The following SH3PXD2A variants were observed in gnomAD, a reference collection of about 807,000 sequenced individuals.
SH3PXD2A encodes the protein SH3 and PX domains 2A.
A neutral mutation model predicts 115.2 loss-of-function variants in SH3PXD2A; 32 were observed. The ratio of observed to expected loss-of-function variants is 0.28; its 90% CI spans 0.21 to 0.37. SH3PXD2A has a LOEUF of 0.37. Among genes scored for constraint, SH3PXD2A ranks in the 10% least tolerant of loss-of-function variants. The pLI, the probability that SH3PXD2A is intolerant of heterozygous loss-of-function variation, is 1.00. For synonymous variants in SH3PXD2A, 610 were observed against 629.1 expected, an observed-to-expected ratio of 0.97 and a Z score of 0.45; for missense variants, 1,328 against 1,498.7, an observed-to-expected ratio of 0.89 and a Z score of 1.88.
At chr10:103,655,873 C>T (rs74154580) in intron 8 of SH3PXD2A, among the ~76,000 whole-genome samples, 2,903 of 151,204 alleles carry the variant, frequency 0.019, 45 homozygotes, top group African/African-American at 0.046. Context: ...AGACTCTAAG[C>T]TCCATAAAGG....
At position 103,602,521 on chromosome 10, in the gene SH3PXD2A, G is replaced by C. The variant is rs1342229195; in HGVS notation, c.2697C>G (p.Asn899Lys). ...CTTTGCCAGAGGGGTCAGGTTGCTC[G>C]TTCTCATCCAGCACCAAATAGTGGG... ...APSHYLVLDE[N>K]EQPDPSGKEL... The change falls in exon 15 of 15, where the codon AAC becomes AAG. Residue 899 changes from asparagine (N) to lysine (K), a missense_variant. Around this residue, in one of 5 missense-constraint regions of SH3PXD2A, gnomAD observed 574 missense variants for 565.7 expected, o/e 1.01. Coordinates refer to ENST00000369774, the MANE Select transcript of SH3PXD2A (RefSeq NM_001394015.1). 6.2e-7 allele frequency: 1 copy of C among 1,614,102 alleles called. No individual in the cohort carries two copies. Among genetic ancestry groups the C allele is most frequent in the Admixed American group, 1.7e-5 (1 of 60,026 alleles).
intron 2 of SH3PXD2A, among the ~76,000 whole-genome samples, chr10:103,775,666 G>A (rs1333952717): frequency 6.6e-6 from 1 of 152,212 alleles, no homozygotes. Context: ...CCGTATGTCA[G>A]AGAAAGTGCT....
chr10:103,787,228 G>C (rs573134652), intron 2 of SH3PXD2A, among the ~76,000 whole-genome samples: 1 of 152,250 alleles, frequency 6.6e-6, no homozygotes, highest in South Asian at 2.1e-4. Flanking sequence ...ACCCATCCAG[G>C]GCACAGGCCC....
Position 103,661,038 on chromosome 10 carries a change from C to G in SH3PXD2A, c.549G>C (p.Ser183=). Residue 183 remains serine, a synonymous_variant, in exon 8 of 15, where the codon TCG becomes TCC. Transcript: ENST00000369774. The part of the protein sequence containing the change: ...VVSNYKKQEN[S]ELSLQAGEVV... ...CCTCCCCGGCCTGGAGGCTCAGCTCCGAGTTCTCCTGCTTCTTATAGTTGG... is the reference window on the plus strand; with the variant it reads ...CCTCCCCGGCCTGGAGGCTCAGCTCGGAGTTCTCCTGCTTCTTATAGTTGG... 6.2e-7 allele frequency: 1 copy of G among 1,614,168 alleles called. No homozygotes were observed. The highest frequency in any genetic ancestry group is 8.5e-7 in the Non-Finnish European group (1 of 1,180,018).
chr10:103,626,826 G>C (rs993057421), intron 9 of SH3PXD2A, among the ~76,000 whole-genome samples: 4 of 152,038 alleles, frequency 2.6e-5, no homozygotes, highest in African/African-American at 9.7e-5. Context: ...CAAACCTCAT[G>C]AAGCCAAAGC....
chr10:103,771,580 TA>T (rs1261468246), intron 2 of SH3PXD2A, among the ~76,000 whole-genome samples: 1 of 151,588 alleles, frequency 6.6e-6, no homozygotes, highest in Non-Finnish European at 1.5e-5. Flanking sequence ...CCATCTCTAC[TA>T]AAAAAAAGTA....
intron 10 of SH3PXD2A, among the ~76,000 whole-genome samples, chr10:103,621,433 G>A (rs994634454): frequency 1.3e-5 from 2 of 152,192 alleles, no homozygotes; most frequent in Non-Finnish European, 2.9e-5. Flanking sequence ...TGTGCCTGAT[G>A]CTGAGCCAGC....
chr10:103,814,120 T>C (rs2039299875), intron 1 of SH3PXD2A, among the ~76,000 whole-genome samples: 1 of 152,210 alleles, frequency 6.6e-6, no homozygotes, highest in Non-Finnish European at 1.5e-5. Context: ...AGGGAGTTTG[T>C]ACTGGGTGCT....
intron 2 of SH3PXD2A, among the ~76,000 whole-genome samples, chr10:103,780,874 A>T (rs1589452023): frequency 6.6e-6 from 1 of 152,098 alleles, no homozygotes; most frequent in Non-Finnish European, 1.5e-5. Context: ...TCGGCTTCAC[A>T]CCCTTTGTTG....
intron 6 of SH3PXD2A, among the ~76,000 whole-genome samples, chr10:103,682,706 G>A (rs1011316605): frequency 6.6e-6 from 1 of 151,548 alleles, no homozygotes; most frequent in African/African-American, 2.4e-5. Flanking sequence ...GCAGTGAGCC[G>A]AGATCGTGCC....
At position 103,784,590 on chromosome 10, in the gene SH3PXD2A, A is replaced by C. The variant is rs935543511; in HGVS notation, c.153+16692T>G. ...AGGATTGAAAACATTCCTAATTACA[A>C]ATAAACACTGGAGAGAAGCTGCAGC... is the stretch of plus-strand genomic sequence containing the variant. On this transcript the variant is annotated intron_variant, in intron 2 of 14. Coordinates refer to ENST00000369774, the MANE Select transcript of SH3PXD2A (RefSeq NM_001394015.1). The surrounding 1 kb of genome is among the most constrained non-coding windows in gnomAD (Gnocchi z 4.4). Among the ~76,000 whole-genome samples, 3 of 152,150 alleles carry C rather than the reference A, an allele frequency of 2.0e-5. No individual in the cohort carries two copies. Among genetic ancestry groups the C allele is most frequent in the South Asian group, 2.1e-4 (1 of 4,826 alleles).
At chr10:103,662,016 C>T (rs1215606741) in intron 7 of SH3PXD2A, 1 of 932,266 alleles carries the variant, frequency 1.1e-6, no homozygotes, top group Non-Finnish European at 1.3e-6. Context: ...AGGCCTGCCC[C>T]CAGCCCTGCT....
intron 5 of SH3PXD2A, among the ~76,000 whole-genome samples, chr10:103,711,156 C>T (rs2038042057): frequency 6.6e-6 from 1 of 152,236 alleles, no homozygotes; most frequent in South Asian, 2.1e-4. Flanking sequence ...CTGCCACCTT[C>T]CTTCCCAGGA....
At chr10:103,717,410 C>T (rs1449096206) in intron 5 of SH3PXD2A, among the ~76,000 whole-genome samples, 2 of 152,146 alleles carry the variant, frequency 1.3e-5, no homozygotes, top group Non-Finnish European at 2.9e-5. Flanking sequence ...GGGGCCCAAG[C>T]TGAGTCTGGA....
At chr10:103,795,359 G>A (rs2039075890) in intron 2 of SH3PXD2A, among the ~76,000 whole-genome samples, 1 of 152,138 alleles carries the variant, frequency 6.6e-6, no homozygotes, top group Non-Finnish European at 1.5e-5. Flanking sequence ...CTGAAGGCTC[G>A]TGGCAGGAGA....
chr10:103,795,900 G>A (rs2039081232), intron 2 of SH3PXD2A, among the ~76,000 whole-genome samples: 1 of 123,476 alleles, frequency 8.1e-6, no homozygotes, highest in African/African-American at 3.1e-5. Context: ...GAGGGAGGGA[G>A]GAAAAGGAAG....
In SH3PXD2A at chr10:103,626,125, A is replaced by T. The variant is rs532104795; in HGVS notation, c.718+964T>A. Among the ~76,000 whole-genome samples, 129 of 152,386 alleles carry T rather than the reference A, an allele frequency of 8.5e-4. 1 individual carries two copies. Among genetic ancestry groups the T allele is most frequent in the African/African-American group, 3.0e-3 (124 of 41,598 alleles). On this transcript the variant is annotated intron_variant, in intron 9 of 14. Transcript: ENST00000369774. ...TGGAAACCTGTCACACAGTGGAAGC[A>T]CATGGCAGGGGCCGAGGCTCTGGTC...
At chr10:103,778,372 T>C (rs1030702748) in intron 2 of SH3PXD2A, among the ~76,000 whole-genome samples, 1 of 152,164 alleles carries the variant, frequency 6.6e-6, no homozygotes, top group African/African-American at 2.4e-5. Flanking sequence ...GTAGAGCGCT[T>C]TAACACAGGC....
At chr10:103,769,193 C>CGT (rs1481079990) in intron 2 of SH3PXD2A, among the ~76,000 whole-genome samples, 24 of 149,510 alleles carry the variant, frequency 1.6e-4, no homozygotes, top group African/African-American at 6.0e-4. Context: ...CGCGCGCGCG[C>CGT]GCATTTATTT....
Sources: gnomAD v4.1 joint callset for allele counts (sites outside exome capture counted in the v4.1 genomes callset) on GRCh38, gnomAD v4.1.1 for gene constraint, gnomAD v4.1.1 regional missense constraint, Gnocchi (gnomAD v3.1) non-coding constraint, MANE v1.5 for transcripts, NCBI Gene and HGNC (gene_info 2026-07-23, HGNC 2026-07-21) for gene names.